Variants in MAML3 observed in about 807,000 individuals in gnomAD.
MAML3 encodes the protein mastermind-like protein 3.
Under a neutral mutation model 101.9 loss-of-function variants are expected in MAML3, and 27 were observed. The observed-to-expected ratio is 0.27, with a 90% CI of 0.20 to 0.37. MAML3 has a LOEUF of 0.37. Among genes scored for constraint, MAML3 ranks in the 10% least tolerant of loss-of-function variants. The probability of loss-of-function intolerance (pLI) is 1.00; values close to 1 mark genes in which losing one functional copy is unlikely to be tolerated. For synonymous variants in MAML3, 501 were observed against 555.9 expected (o/e 0.90, Z 1.39); for missense variants, 1,316 against 1,444.9 (o/e 0.91, Z 1.45).
chr4:139,769,019 A>T (rs1729922261), intron 2 of MAML3, among the ~76,000 whole-genome samples: 2 of 152,234 alleles, frequency 1.3e-5, no homozygotes, highest in South Asian at 4.1e-4. Context: ...CCTGACTGTG[A>T]CTGCTTTGGT....
chr4:139,743,010 C>T (rs1258010727), intron 2 of MAML3, among the ~76,000 whole-genome samples: 1 of 152,178 alleles, frequency 6.6e-6, no homozygotes, highest in Non-Finnish European at 1.5e-5. Flanking sequence ...ACCATGATAT[C>T]CCCTCAAATG....
At chr4:140,051,553 G>A (rs1161968583) in intron 1 of MAML3, among the ~76,000 whole-genome samples, 3 of 147,088 alleles carry the variant, frequency 2.0e-5, no homozygotes, top group Non-Finnish European at 3.0e-5. Context: ...ATGAGACTCA[G>A]TCTCAAAAAA....
intron 1 of MAML3, among the ~76,000 whole-genome samples, chr4:140,021,411 G>C (rs960542556): frequency 1.3e-5 from 2 of 152,108 alleles, no homozygotes; most frequent in African/African-American, 4.8e-5. Flanking sequence ...ATCATTTATT[G>C]AGGGCCTACC....
chr4:140,126,866 C>T (rs116017314), intron 1 of MAML3, among the ~76,000 whole-genome samples: 2,129 of 152,266 alleles, frequency 0.014, 59 homozygotes, highest in African/African-American at 0.048. Flanking sequence ...TTCTCTCAGT[C>T]CCCCCTGTCT....
chr4:139,997,810 T>C (rs1247670904), intron 1 of MAML3, among the ~76,000 whole-genome samples: 2 of 152,134 alleles, frequency 1.3e-5, no homozygotes. Flanking sequence ...CAGGATAGTT[T>C]GGTTAGGTAC....
chr4:140,108,336 A>G (rs1042941277), intron 1 of MAML3, among the ~76,000 whole-genome samples: 1 of 151,830 alleles, frequency 6.6e-6, no homozygotes, highest in Admixed American at 6.6e-5. Flanking sequence ...CATGTCTATT[A>G]TGGCACTTAA....
intron 2 of MAML3, among the ~76,000 whole-genome samples, chr4:139,816,026 T>G (rs1730886575): frequency 6.6e-6 from 1 of 152,172 alleles, no homozygotes; most frequent in African/African-American, 2.4e-5. Flanking sequence ...AATATAATTC[T>G]AAGACTGCCA....
chr4:140,010,902 A>C (rs1048069007), intron 1 of MAML3, among the ~76,000 whole-genome samples: 3 of 151,962 alleles, frequency 2.0e-5, no homozygotes, highest in Non-Finnish European at 4.4e-5. Flanking sequence ...CAGGAGTTCA[A>C]GACCAGCCTG....
chr4:140,094,720 T>G (rs1728124130), intron 1 of MAML3, among the ~76,000 whole-genome samples: 1 of 152,202 alleles, frequency 6.6e-6, no homozygotes, highest in Non-Finnish European at 1.5e-5. Context: ...TCTTTGTGTT[T>G]GTAAAAATGC....
At chr4:140,056,533 G>A (rs1040555354) in intron 1 of MAML3, among the ~76,000 whole-genome samples, 8 of 151,692 alleles carry the variant, frequency 5.3e-5, no homozygotes, top group Non-Finnish European at 1.2e-4. Context: ...CTGGCCCTGC[G>A]CGGTGACTCA....
At chr4:140,012,017 A>C (rs1726572249) in intron 1 of MAML3, among the ~76,000 whole-genome samples, 1 of 152,156 alleles carries the variant, frequency 6.6e-6, no homozygotes, top group South Asian at 2.1e-4. Context: ...ATCTCAAAAA[A>C]AAAAAAAGTC....
At chr4:140,037,260 CA>C (rs1727001859) in intron 1 of MAML3, among the ~76,000 whole-genome samples, 1 of 140,490 alleles carries the variant, frequency 7.1e-6, no homozygotes, top group Admixed American at 7.1e-5. Flanking sequence ...AAAACAAAAA[CA>C]AAACAGCAAC....
At chr4:139,850,157 T>TA (rs137985615) in intron 2 of MAML3, among the ~76,000 whole-genome samples, 3,107 of 152,202 alleles carry the variant, frequency 0.02, 111 homozygotes, top group African/African-American at 0.069. Flanking sequence ...ATATCACAAT[T>TA]AAAAAAAGAA....
chr4:140,116,867 T>A (rs912101575), intron 1 of MAML3, among the ~76,000 whole-genome samples: 1 of 152,180 alleles, frequency 6.6e-6, no homozygotes, highest in Non-Finnish European at 1.5e-5. Context: ...GAGATTTTTT[T>A]AAAAGCATAG....
At chr4:140,066,498 C>G (rs765995399) in intron 1 of MAML3, among the ~76,000 whole-genome samples, 2 of 152,198 alleles carry the variant, frequency 1.3e-5, no homozygotes, top group Non-Finnish European at 2.9e-5. Flanking sequence ...TAATGAAGTA[C>G]AGACTTCTCA....
In MAML3 at chr4:139,735,705, G is replaced by A. The variant is rs569490596; in HGVS notation, c.2080-5038C>T. Among the ~76,000 whole-genome samples, 50 of 152,302 alleles carry A rather than the reference G, an allele frequency of 3.3e-4. 1 individual carries two copies. In the South Asian group the frequency reaches 4.1e-3, roughly 13 times the overall value. ...CCCCTGGGGCCTAATTTAGCCTCTC[G>A]ACTCCAGCCTATATGCTTACAAGTC... On this transcript the variant is annotated intron_variant, in intron 2 of 4. Coordinates refer to ENST00000509479, the MANE Select transcript of MAML3 (RefSeq NM_018717.5). The surrounding 1 kb of genome is among the most constrained non-coding windows in gnomAD (Gnocchi z 5.8).
At position 139,890,547 on chromosome 4, in the gene MAML3, T is replaced by C. The variant is rs1472109093; in HGVS notation, c.889A>G (p.Lys297Glu). The C allele has an allele frequency of 6.2e-7, 1 of 1,614,026 alleles. No homozygotes were observed. The highest frequency in any genetic ancestry group is 2.2e-5 in the East Asian group (1 of 44,890). The change falls in exon 2 of 5, where the codon AAG becomes GAG. Residue 297 changes from lysine to glutamate, a missense_variant. Physicochemically the swap from Lys to Glu is moderately conservative, Grantham distance 56. Coordinates refer to ENST00000509479, the MANE Select transcript of MAML3 (RefSeq NM_018717.5). The surrounding 1 kb of genome is among the most constrained non-coding windows in gnomAD (Gnocchi z 4.1). The stretch of plus-strand genomic sequence containing the variant: ...TTCAGATTAATGTCTGAGAACAGCT[T>C]GTTCTGATTTGAAAGAGATGTTTCT... ...TSETSLSNQN[K>E]LFSDINLNDQ... is the part of the protein sequence containing the mutation.
chr4:139,893,768 T>C (rs12509463), intron 1 of MAML3, among the ~76,000 whole-genome samples: 95,744 of 152,000 alleles, frequency 0.63, 33,966 homozygotes, highest in Non-Finnish European at 0.81. Flanking sequence ...ACTCTATGGA[T>C]TTATCAATTA....
chr4:139,943,205 G>T (rs1404528349), intron 1 of MAML3, among the ~76,000 whole-genome samples: 1 of 152,152 alleles, frequency 6.6e-6, no homozygotes, highest in Non-Finnish European at 1.5e-5. Context: ...AGAGAATGCT[G>T]CTTCTCTTAC....
Sources: gnomAD v4.1 joint callset for allele counts (sites outside exome capture counted in the v4.1 genomes callset) on GRCh38, gnomAD v4.1.1 for gene constraint, Gnocchi (gnomAD v3.1) non-coding constraint, MANE v1.5 for transcripts, NCBI Gene and HGNC (gene_info 2026-07-23, HGNC 2026-07-21) for gene names.